Variants in C1orf94 observed in about 807,000 individuals in gnomAD.
C1orf94 encodes uncharacterized protein C1orf94.
Under a neutral mutation model 53.6 loss-of-function variants are expected in C1orf94, and 45 were observed. That is an observed-to-expected ratio of 0.84 (90% CI 0.66 to 1.08). C1orf94 has a LOEUF of 1.08. C1orf94 is among the 50% of genes least tolerant of loss of function. The pLI is 0.00. For synonymous variants in C1orf94, 304 were observed against 296.1 expected, an observed-to-expected ratio of 1.03 and a Z score of -0.27; for missense variants, 762 against 738.9, an observed-to-expected ratio of 1.03 and a Z score of -0.36.
chr1:34,182,692 C>A (rs755860173), intron 1 of C1orf94, among the ~76,000 whole-genome samples: 1 of 152,182 alleles, frequency 6.6e-6, no homozygotes, highest in Non-Finnish European at 1.5e-5. Flanking sequence ...GCTTCACGCA[C>A]GAGTTCACTT....
intron 4 of C1orf94, among the ~76,000 whole-genome samples, chr1:34,206,771 G>A (rs1388671213): frequency 1.3e-5 from 2 of 152,200 alleles, no homozygotes; most frequent in African/African-American, 4.8e-5. Flanking sequence ...CAGGGACCGG[G>A]CAGTGGTCAT....
chr1:34,195,525 T>G (rs1297501212), intron 1 of C1orf94, among the ~76,000 whole-genome samples: 1 of 152,122 alleles, frequency 6.6e-6, no homozygotes, highest in African/African-American at 2.4e-5. Flanking sequence ...CTGTCTTGGC[T>G]GCTGGACTAT....
intron 1 of C1orf94, among the ~76,000 whole-genome samples, chr1:34,168,203 A>G (rs1326574116): frequency 6.6e-6 from 1 of 152,144 alleles, no homozygotes; most frequent in African/African-American, 2.4e-5. Context: ...ATTTGAGCCC[A>G]GCTGTTCAAG....
intron 1 of C1orf94, among the ~76,000 whole-genome samples, chr1:34,194,855 T>C (rs971815402): frequency 2.0e-5 from 3 of 152,202 alleles, no homozygotes; most frequent in African/African-American, 7.2e-5. Flanking sequence ...TGGCTTGCTT[T>C]GCAAAGTATT....
At chr1:34,170,782 C>T (rs1323828368) in intron 1 of C1orf94, among the ~76,000 whole-genome samples, 1 of 151,444 alleles carries the variant, frequency 6.6e-6, no homozygotes, top group African/African-American at 2.5e-5. Flanking sequence ...GCTCAGCTCC[C>T]CAATTCAGGG....
In C1orf94 at chr1:34,177,708, A is replaced by G; in HGVS notation, c.-82A>G. 3 of 1,340,290 alleles carry G rather than the reference A, an allele frequency of 2.2e-6. No homozygotes were observed. Among genetic ancestry groups the G allele is most frequent in the Non-Finnish European group, 3.0e-6 (3 of 997,848 alleles). 83.0% of individuals were successfully genotyped at this position (1,340,290 alleles called of 1,614,324 possible). A position where few individuals can be genotyped will look rare whatever the true frequency, so the allele number is the denominator to read the frequency against. On this transcript the variant is annotated 5_prime_UTR_variant, in exon 1 of 7. Transcript: ENST00000488417. Reference sequence around the variant, plus strand: ...TCCCACACAAATAGAAGGCCTCTGAACCTAACCACCTTGCTGGAGCGAAAG... The same window carrying G: ...TCCCACACAAATAGAAGGCCTCTGAGCCTAACCACCTTGCTGGAGCGAAAG...
intron 1 of C1orf94, among the ~76,000 whole-genome samples, chr1:34,186,722 G>A (rs1642389958): frequency 1.3e-5 from 2 of 152,180 alleles, no homozygotes; most frequent in South Asian, 4.1e-4. Flanking sequence ...TTGGCCAGAG[G>A]GAAGGACACA....
intron 2 of C1orf94, among the ~76,000 whole-genome samples, chr1:34,200,421 AT>A (rs1642683294): frequency 1.3e-5 from 2 of 152,320 alleles, no homozygotes; most frequent in South Asian, 4.1e-4. Context: ...GAAGGGGTGG[AT>A]GGATGGAAGG....
intron 1 of C1orf94, among the ~76,000 whole-genome samples, chr1:34,184,033 G>T (rs115346300): frequency 0.013 from 1,907 of 152,232 alleles, 35 homozygotes; most frequent in South Asian, 0.064. Context: ...CCATGGAAGC[G>T]CACTGAGGGG....
In C1orf94 at chr1:34,208,149, C is replaced by T; in HGVS notation, c.1447-8C>T. 1.2e-6 allele frequency: 2 copies of T among 1,613,898 alleles called. No homozygotes were observed. The highest frequency in any genetic ancestry group is 8.5e-7 in the Non-Finnish European group (1 of 1,179,898). ...GCCTGGCCATACTGAGCCTCTGTTT[C>T]TCCCCAGGGCCTGTACCCACAGCAG... is the stretch of plus-strand genomic sequence containing the variant. On this transcript the variant is annotated splice_region_variant and splice_polypyrimidine_tract_variant and intron_variant, in intron 4 of 6. Transcript: ENST00000488417.
intron 1 of C1orf94, among the ~76,000 whole-genome samples, chr1:34,168,892 T>TGG (rs549937441): frequency 2.8e-3 from 419 of 152,048 alleles, no homozygotes; most frequent in Middle Eastern, 3.4e-3. Context: ...TGAATTTGGG[T>TGG]GGGGGGGCAC....
rs191337297 is a variant in C1orf94 at position 34,214,357 on chromosome 1, G to A, written c.1721+1951G>A. The stretch of plus-strand genomic sequence containing the variant: ...GGAGGTTGAGACTAGATTATGAAAG[G>A]CTTTGGACTGCTAGGCCTGGGGATC... On this transcript the variant is annotated intron_variant, in intron 6 of 6. Transcript: ENST00000488417. 1.8e-4 allele frequency among the ~76,000 whole-genome samples: 28 copies of A among 152,316 alleles called. No homozygotes were observed. The East Asian group carries it at 4.2e-3, about 23-fold the overall frequency.
At chr1:34,176,477 C>T (rs1031631187), upstream of C1orf94, among the ~76,000 whole-genome samples, 1 of 152,076 alleles carries the variant, frequency 6.6e-6, no homozygotes, top group African/African-American at 2.4e-5. Flanking sequence ...ACCTCCTACT[C>T]CTGCTCCTAC....
At chr1:34,182,190 G>A (rs1642320515) in intron 1 of C1orf94, among the ~76,000 whole-genome samples, 1 of 152,152 alleles carries the variant, frequency 6.6e-6, no homozygotes, top group African/African-American at 2.4e-5. Context: ...GTGAGACCCT[G>A]TCTCAAAACA....
intron 1 of C1orf94, among the ~76,000 whole-genome samples, chr1:34,194,982 G>A (rs971982158): frequency 1.3e-5 from 2 of 152,130 alleles, no homozygotes; most frequent in Non-Finnish European, 2.9e-5. Context: ...CCGCAGATTG[G>A]CAGCCCCTTT....
At chr1:34,181,278 AT>A (rs1642308705) in intron 1 of C1orf94, among the ~76,000 whole-genome samples, 1 of 152,152 alleles carries the variant, frequency 6.6e-6, no homozygotes, top group South Asian at 2.1e-4. Context: ...CCATGTGCCA[AT>A]TTGGTTAGTT....
At chr1:34,204,040 T>C (rs762592274) in intron 4 of C1orf94, among the ~76,000 whole-genome samples, 1 of 152,214 alleles carries the variant, frequency 6.6e-6, no homozygotes, top group Non-Finnish European at 1.5e-5. Flanking sequence ...ACTCAGGACC[T>C]TGGCAATTTG....
At chr1:34,184,405 T>C (rs1642355617) in intron 1 of C1orf94, among the ~76,000 whole-genome samples, 1 of 152,208 alleles carries the variant, frequency 6.6e-6, no homozygotes, top group Admixed American at 6.5e-5. Context: ...TTCCAGGCCC[T>C]CTGTCAGCAC....
upstream of C1orf94, among the ~76,000 whole-genome samples, chr1:34,175,670 A>C (rs1024908019): frequency 2.0e-5 from 3 of 152,144 alleles, no homozygotes; most frequent in African/African-American, 7.2e-5. Context: ...CTTTACATAC[A>C]GTATACCATT....
Sources: gnomAD v4.1 joint callset for allele counts (sites outside exome capture counted in the v4.1 genomes callset) on GRCh38, gnomAD v4.1.1 for gene constraint, MANE v1.5 for transcripts, NCBI Gene and HGNC (gene_info 2026-07-23, HGNC 2026-07-21) for gene names.